SRGAP2C: variants seen among roughly 807,000 people sequenced by gnomAD.
SRGAP2C encodes the protein SLIT-ROBO Rho GTPase-activating protein 2C.
In SRGAP2C, 15 loss-of-function variants were observed where a neutral mutation model predicts 25.1. The ratio of observed to expected loss-of-function variants is 0.60; its 90% confidence interval spans 0.40 to 0.92. The LOEUF is 0.92. SRGAP2C is among the 40% of genes least tolerant of loss of function. The pLI, the probability that SRGAP2C is intolerant of heterozygous loss-of-function variation, is 0.00. For synonymous variants in SRGAP2C, 44 were observed against 96.6 expected (o/e 0.46, Z 3.19); for missense variants, 144 against 264.4 (o/e 0.54, Z 3.16).
At chr1:121,279,070 C>A (rs1384972683) in intron 2 of SRGAP2C, among the ~76,000 whole-genome samples, 4 of 151,712 alleles carry the variant, frequency 2.6e-5, no homozygotes, top group African/African-American at 4.8e-5. Flanking sequence ...GGCAGTCAGA[C>A]CAGGTTCCCA....
At chr1:121,294,677 T>C (rs1657560063) in intron 3 of SRGAP2C, among the ~76,000 whole-genome samples, 2 of 122,704 alleles carry the variant, frequency 1.6e-5, no homozygotes, top group East Asian at 2.7e-4. Context: ...TAATAGCTCA[T>C]TTTTTTAGGT....
At chr1:121,198,281 GT>G (rs71278814) in intron 2 of SRGAP2C, among the ~76,000 whole-genome samples, 15,822 of 142,050 alleles carry the variant, frequency 0.11, 1,043 homozygotes, top group Non-Finnish European at 0.16. Context: ...TATTCTCTTT[GT>G]TTTTTTTTTT....
At chr1:121,335,600 T>A (rs1358745701) in intron 4 of SRGAP2C, among the ~76,000 whole-genome samples, 1 of 149,448 alleles carries the variant, frequency 6.7e-6, no homozygotes, top group Admixed American at 6.7e-5. Flanking sequence ...TGTCTGATAC[T>A]ACAGGTGTGT....
chr1:121,217,129 T>G (rs1389328693), intron 2 of SRGAP2C, among the ~76,000 whole-genome samples: 2 of 151,772 alleles, frequency 1.3e-5, no homozygotes, highest in Non-Finnish European at 2.9e-5. Context: ...ATCATAGAGT[T>G]TGGGAAAGAG....
chr1:121,263,875 AC>A lies in SRGAP2C; in HGVS notation c.68-20927del, dbSNP rs772619838. 5.7e-3 allele frequency among the ~76,000 whole-genome samples: 866 copies of A among 151,306 alleles called. 17 individuals are homozygous for A. The highest frequency in any genetic ancestry group is 9.2e-3 in the Non-Finnish European group (623 of 67,634). On this transcript the variant is annotated intron_variant, in intron 2 of 9. Coordinates refer to ENST00000367123, the MANE Select transcript of SRGAP2C (RefSeq NM_001329984.2). ...AGCTTGATAACTTTAGACATACTGT[AC>A]GTTATGAAGCATTTTCTTGCTTCTT... is the stretch of plus-strand genomic sequence containing the variant.
chr1:121,249,548 A>C (rs1448857918), intron 2 of SRGAP2C, among the ~76,000 whole-genome samples: 2 of 36,174 alleles, frequency 5.5e-5, no homozygotes, highest in Non-Finnish European at 8.7e-5. Flanking sequence ...AACATGGACT[A>C]TATATATATA....
intron 3 of SRGAP2C, among the ~76,000 whole-genome samples, chr1:121,309,622 G>T (rs1260212367): frequency 1.3e-5 from 2 of 148,524 alleles, no homozygotes; most frequent in East Asian, 2.0e-4. Flanking sequence ...CCCTTCCTGT[G>T]TCCATGTGAT....
intron 3 of SRGAP2C, among the ~76,000 whole-genome samples, chr1:121,307,299 A>T (rs1277485219): frequency 1.3e-4 from 19 of 151,432 alleles, no homozygotes; most frequent in Non-Finnish European, 1.8e-4. Context: ...ACTGTTGCCT[A>T]CTTAATTTTT....
chr1:121,213,959 A>G (rs587616587), intron 2 of SRGAP2C, among the ~76,000 whole-genome samples: 10 of 144,424 alleles, frequency 6.9e-5, no homozygotes, highest in Admixed American at 3.4e-4. Context: ...TTCATATCTC[A>G]TCTGATCTTA....
chr1:121,320,131 A>G, intron 3 of SRGAP2C, among the ~76,000 whole-genome samples: 1 of 151,898 alleles, frequency 6.6e-6, no homozygotes, highest in Admixed American at 6.6e-5. Flanking sequence ...TGCCGTGCTT[A>G]TTTTCCAGCC....
chr1:121,297,862 C>T (rs1161885108), intron 3 of SRGAP2C, among the ~76,000 whole-genome samples: 1 of 145,124 alleles, frequency 6.9e-6, no homozygotes, highest in African/African-American at 2.6e-5. Context: ...ATGTGAAACA[C>T]TTAGGACAGC....
intron 3 of SRGAP2C, among the ~76,000 whole-genome samples, chr1:121,307,337 G>A (rs1553339564): frequency 1.1e-4 from 17 of 151,950 alleles, no homozygotes; most frequent in African/African-American, 3.4e-4. Flanking sequence ...TGACCTATAC[G>A]TTGATTTTTT....
At chr1:121,359,532 C>G (rs1429466059) in intron 4 of SRGAP2C, among the ~76,000 whole-genome samples, 1 of 152,152 alleles carries the variant, frequency 6.6e-6, no homozygotes, top group Non-Finnish European at 1.5e-5. Context: ...ACTTGGGAAG[C>G]TGAGGCAGGA....
intron 2 of SRGAP2C, among the ~76,000 whole-genome samples, chr1:121,208,184 T>C (rs1249324912): frequency 6.6e-6 from 1 of 152,218 alleles, no homozygotes; most frequent in Non-Finnish European, 1.5e-5. Context: ...CAGAAGAAAG[T>C]GGACCATCTC....
At chr1:121,219,156 G>A (rs1307799439) in intron 2 of SRGAP2C, among the ~76,000 whole-genome samples, 9 of 149,100 alleles carry the variant, frequency 6.0e-5, no homozygotes, top group African/African-American at 1.0e-4. Flanking sequence ...TATACCTAGC[G>A]TGAACTAACT....
intron 2 of SRGAP2C, among the ~76,000 whole-genome samples, chr1:121,218,645 G>T (rs1311070736): frequency 6.7e-6 from 1 of 149,782 alleles, no homozygotes; most frequent in African/African-American, 2.5e-5. Context: ...TACTCGGGAG[G>T]CTAAGGCACG....
chr1:121,221,834 G>A (rs1422097453), intron 2 of SRGAP2C, among the ~76,000 whole-genome samples: 4 of 149,836 alleles, frequency 2.7e-5, no homozygotes, highest in Non-Finnish European at 5.9e-5. Context: ...GTGCTTTTGA[G>A]CATGTCTGTG....
rs1660106156 is a variant in SRGAP2C, at chr1:121,391,989, A to C, written c.*4134A>C. On this transcript the variant is annotated 3_prime_UTR_variant, in exon 10 of 10. Coordinates refer to ENST00000367123, the MANE Select transcript of SRGAP2C (RefSeq NM_001329984.2). ...TAAAGGAATCAGAAAAAATATTAAA[A>C]AGTAGGAATATCAGCAAAGAGATAA... is the stretch of plus-strand genomic sequence containing the variant. 6.6e-6 allele frequency: 1 copy of C among 152,274 alleles called. No individual in the cohort carries two copies. The highest frequency in any genetic ancestry group is 2.4e-5 in the African/African-American group (1 of 41,480). The allele number at this position is 152,274 out of a possible 1,614,324, so 9.4% of individuals were successfully genotyped here. A position where few individuals can be genotyped will look rare whatever the true frequency, so the allele number is the denominator to read the frequency against.
intron 2 of SRGAP2C, among the ~76,000 whole-genome samples, chr1:121,263,315 C>A (rs1196241407): frequency 6.6e-6 from 1 of 150,762 alleles, no homozygotes; most frequent in African/African-American, 2.4e-5. Context: ...CAAAGCAAGA[C>A]TCTGTCTCAA....
Sources: gnomAD v4.1 joint callset for allele counts (sites outside exome capture counted in the v4.1 genomes callset) on GRCh38, gnomAD v4.1.1 for gene constraint, MANE v1.5 for transcripts, NCBI Gene and HGNC (gene_info 2026-07-23, HGNC 2026-07-21) for gene names.